KCNH7: variants seen among roughly 807,000 people sequenced by gnomAD.
The protein encoded by KCNH7 is voltage-gated inwardly rectifying potassium channel KCNH7.
Under a neutral mutation model 120.8 loss-of-function variants are expected in KCNH7, and 49 were observed. The ratio of observed to expected loss-of-function variants is 0.41; its 90% CI spans 0.32 to 0.51. KCNH7 has a LOEUF of 0.51. Among genes scored for constraint, KCNH7 ranks in the 20% least tolerant of loss-of-function variants. The pLI, the probability that KCNH7 is intolerant of heterozygous loss-of-function variation, is 0.38. For missense variants in KCNH7, 1,097 were observed against 1,446.6 expected, an observed-to-expected ratio of 0.76 and a Z score of 3.92; for synonymous variants, 547 against 516.1, an observed-to-expected ratio of 1.06 and a Z score of -0.81.
In KCNH7 at chr2:162,423,446, G is replaced by A. The variant is rs374177414; in HGVS notation, c.2044C>T (p.Arg682Ter). ...TGAAAGCGAATGAACTCTTTTACTC[G>A]CAGCATCTGCATGTGGTACCTGGCA... Reference protein sequence around the residue: ...GTARYHMQMLRVKEFIRFHQI... With the variant: ...GTARYHMQML Residue 682 changes from arginine to a stop codon, truncating the protein, a stop_gained, in exon 9 of 16, where the codon CGA becomes TGA. Transcript: ENST00000332142. LOFTEE classifies it high-confidence loss of function. 1.2e-6 allele frequency: 2 copies of A among 1,613,950 alleles called. No homozygotes were observed. Among genetic ancestry groups the A allele is most frequent in the African/African-American group, 1.3e-5 (1 of 74,926 alleles).
chr2:162,670,418 G>A (rs1157802318), intron 2 of KCNH7, among the ~76,000 whole-genome samples: 2 of 143,964 alleles, frequency 1.4e-5, no homozygotes, highest in Non-Finnish European at 3.0e-5. Flanking sequence ...AGTTGCAGTG[G>A]GCTGAGATCA....
chr2:162,429,405 T>TTTTTTTTTTTTTC (rs1687989714), intron 8 of KCNH7, among the ~76,000 whole-genome samples: 1 of 137,168 alleles, frequency 7.3e-6, no homozygotes. Context: ...TTTTTTTTTT[T>TTTTTTTTTTTTTC]ACTCACACAT....
chr2:162,378,733 T>G (rs920732035), intron 14 of KCNH7, among the ~76,000 whole-genome samples: 2 of 152,198 alleles, frequency 1.3e-5, no homozygotes, highest in African/African-American at 2.4e-5. Flanking sequence ...ATTGGTGATA[T>G]CAGTATCATC....
chr2:162,503,524 C>T (rs1181549876), intron 6 of KCNH7, among the ~76,000 whole-genome samples: 1 of 151,962 alleles, frequency 6.6e-6, no homozygotes, highest in East Asian at 1.9e-4. Context: ...TTATAACTTG[C>T]TCATGGTCTT....
intron 6 of KCNH7, among the ~76,000 whole-genome samples, chr2:162,464,396 G>A (rs1689245185): frequency 6.6e-6 from 1 of 151,806 alleles, no homozygotes; most frequent in Non-Finnish European, 1.5e-5. Context: ...ATGTCTCCTA[G>A]GGGGAGGCAT....
intron 6 of KCNH7, among the ~76,000 whole-genome samples, chr2:162,497,207 C>T (rs1690524022): frequency 6.6e-6 from 1 of 152,066 alleles, no homozygotes; most frequent in African/African-American, 2.4e-5. Context: ...TTGAGAAACA[C>T]TGAGTCACAA....
At chr2:162,791,193 T>C (rs746055233) in intron 2 of KCNH7, among the ~76,000 whole-genome samples, 12 of 151,926 alleles carry the variant, frequency 7.9e-5, no homozygotes, top group Non-Finnish European at 1.5e-5. Flanking sequence ...GAAAAGAAAT[T>C]AAGTCAGGTA....
intron 6 of KCNH7, among the ~76,000 whole-genome samples, chr2:162,464,737 A>C (rs1689255188): frequency 6.6e-6 from 1 of 152,010 alleles, no homozygotes. Context: ...TTACGTGGTA[A>C]ACAGAAGCAA....
chr2:162,418,237 C>T (rs936920291), intron 9 of KCNH7, among the ~76,000 whole-genome samples: 2 of 152,102 alleles, frequency 1.3e-5, no homozygotes, highest in African/African-American at 4.8e-5. Flanking sequence ...GGGTCATTAT[C>T]ATTTAAATGT....
intron 5 of KCNH7, among the ~76,000 whole-genome samples, chr2:162,507,175 T>C (rs1213410933): frequency 6.6e-6 from 1 of 151,780 alleles, no homozygotes; most frequent in Admixed American, 6.6e-5. Flanking sequence ...ACACTCCTCA[T>C]GGCATTTGAG....
intron 1 of KCNH7, among the ~76,000 whole-genome samples, chr2:162,837,028 A>G (rs1200185003): frequency 6.6e-6 from 1 of 152,212 alleles, no homozygotes; most frequent in Non-Finnish European, 1.5e-5. Flanking sequence ...CAAATAGACT[A>G]GTTCTCAAGC....
At chr2:162,640,661 A>T (rs1684121398) in intron 2 of KCNH7, among the ~76,000 whole-genome samples, 1 of 152,160 alleles carries the variant, frequency 6.6e-6, no homozygotes, top group African/African-American at 2.4e-5. Context: ...CTTAGACTTG[A>T]CACCCAAAAG....
chr2:162,437,074 T>C (rs2105526575), intron 7 of KCNH7, among the ~76,000 whole-genome samples: 1 of 152,268 alleles, frequency 6.6e-6, no homozygotes, highest in African/African-American at 2.4e-5. Flanking sequence ...TGAGCTATTA[T>C]TGTGCCACTG....
intron 6 of KCNH7, among the ~76,000 whole-genome samples, chr2:162,478,612 G>A (rs539116345): frequency 2.0e-5 from 3 of 152,086 alleles, no homozygotes; most frequent in Admixed American, 6.5e-5. Flanking sequence ...TTCAGGGACC[G>A]CACAAAATGA....
chr2:162,767,291 G>A (rs1369250), intron 2 of KCNH7, among the ~76,000 whole-genome samples: 42,278 of 151,604 alleles, frequency 0.28, 6,763 homozygotes, highest in African/African-American at 0.45. Flanking sequence ...AAAAAAATAA[G>A]CAGTATATAC....
chr2:162,383,109 A>T (rs1686471708), intron 13 of KCNH7, among the ~76,000 whole-genome samples: 2 of 152,006 alleles, frequency 1.3e-5, no homozygotes, highest in Admixed American at 6.6e-5. Context: ...AGTGAGAGTC[A>T]TTATAAAGTC....
At chr2:162,752,902 G>GAAAAAAGAAAAGAA (rs140501872) in intron 2 of KCNH7, among the ~76,000 whole-genome samples, 1 of 61,218 alleles carries the variant, frequency 1.6e-5, no homozygotes, top group Non-Finnish European at 2.7e-5. Context: ...CTACATCTCA[G>GAAAAAAGAAAAGAA]AAAAAGAAAA....
At chr2:162,743,140 T>C (rs1302960265) in intron 2 of KCNH7, among the ~76,000 whole-genome samples, 1 of 152,134 alleles carries the variant, frequency 6.6e-6, no homozygotes, top group Non-Finnish European at 1.5e-5. Flanking sequence ...TATACCTCTG[T>C]ATGACAGAGT....
chr2:162,653,350 C>T (rs1164835423), intron 2 of KCNH7, among the ~76,000 whole-genome samples: 2 of 152,152 alleles, frequency 1.3e-5, no homozygotes, highest in African/African-American at 4.8e-5. Flanking sequence ...CACTAAAAAA[C>T]TATTAGAACT....
Sources: allele counts gnomAD v4.1 joint callset (sites outside exome capture counted in the v4.1 genomes callset), GRCh38; gene constraint gnomAD v4.1.1; transcripts MANE v1.5; gene names NCBI Gene and HGNC (gene_info 2026-07-23, HGNC 2026-07-21).